The following RPS6KA5 variants were observed in gnomAD, a reference collection of about 807,000 sequenced individuals.
RPS6KA5 encodes the protein ribosomal protein S6 kinase alpha-5.
Under a neutral mutation model 85.5 loss-of-function variants are expected in RPS6KA5, and 27 were observed. That is an observed-to-expected ratio of 0.32 (90% CI 0.23 to 0.44). RPS6KA5 has a LOEUF of 0.44. Among genes scored for constraint, RPS6KA5 ranks in the 20% least tolerant of loss-of-function variants. The pLI is 1.00. For synonymous variants in RPS6KA5, 334 were observed against 348.2 expected (o/e 0.96, Z 0.46); for missense variants, 811 against 980.9 (o/e 0.83, Z 2.31).
chr14:90,878,678 T>G (rs200306564), intron 14 of RPS6KA5, among the ~76,000 whole-genome samples: 1 of 152,330 alleles, frequency 6.6e-6, no homozygotes, highest in East Asian at 1.9e-4. Flanking sequence ...GGGGCTCCAG[T>G]GGTCAGGGAC....
chr14:91,018,318 T>C (rs1371154693), intron 1 of RPS6KA5, among the ~76,000 whole-genome samples: 1 of 152,204 alleles, frequency 6.6e-6, no homozygotes. Flanking sequence ...TTCTCTACTG[T>C]GATGGTTAAT....
At chr14:91,006,859 G>A (rs1012607107) in intron 1 of RPS6KA5, among the ~76,000 whole-genome samples, 4 of 152,128 alleles carry the variant, frequency 2.6e-5, no homozygotes, top group South Asian at 2.1e-4. Flanking sequence ...ATGAGCCACC[G>A]CACCCGGCCC....
In RPS6KA5 at chr14:90,860,879, TA is replaced by T. The variant is rs2032509447; in HGVS notation, c.*11194del. 6.7e-6 allele frequency: 1 copy of T among 149,018 alleles called. No homozygotes were observed. Among genetic ancestry groups the T allele is most frequent in the East Asian group, 2.0e-4 (1 of 5,022 alleles). The allele number at this position is 149,018 out of a possible 1,614,324, so 9.2% of individuals were successfully genotyped here. A position where few individuals can be genotyped will look rare whatever the true frequency, so the allele number is the denominator to read the frequency against. On this transcript the variant is annotated 3_prime_UTR_variant, in exon 17 of 17. Transcript: ENST00000614987. ...CATAAATATGTGAGCAAACAAACAA[TA>T]TAGAGTCTATTTTTTTTTTTTTTTT...
intron 14 of RPS6KA5, among the ~76,000 whole-genome samples, chr14:90,879,481 G>A (rs1031631450): frequency 6.6e-6 from 1 of 152,178 alleles, no homozygotes; most frequent in Non-Finnish European, 1.5e-5. Flanking sequence ...GTCTCTGAGA[G>A]CTGTGCTGAA....
In RPS6KA5 at chr14:90,849,467, G is replaced by A. The variant is rs2031880341; in HGVS notation, c.*22607C>T. ...TGATATGAGTGGACAGCAAAGAGCT[G>A]TGTAAACCTGTCTAAAACAGTGCAC... On this transcript the variant is annotated 3_prime_UTR_variant, in exon 17 of 17. Coordinates refer to ENST00000614987, the MANE Select transcript of RPS6KA5 (RefSeq NM_004755.4). 3 of 152,262 alleles carry A rather than the reference G, an allele frequency of 2.0e-5. No individual in the cohort carries two copies. Among genetic ancestry groups the A allele is most frequent in the Admixed American group, 6.5e-5 (1 of 15,286 alleles). 9.4% of individuals were successfully genotyped at this position (152,262 alleles called of 1,614,324 possible).
chr14:90,917,396 TAC>T lies in RPS6KA5; in HGVS notation c.806+2808_806+2809del, dbSNP rs138268889. On this transcript the variant is annotated intron_variant, in intron 7 of 16. Transcript: ENST00000614987. ...ATTGACGTACAATAAAATTCCCACA[TAC>T]AAAGTATATAATTTTATGTTTTTTT... Among the ~76,000 whole-genome samples the T allele has an allele frequency of 6.8e-3, 1,035 of 152,282 alleles. 7 individuals carry two copies. Among genetic ancestry groups the T allele is most frequent in the Non-Finnish European group, 0.012 (818 of 68,022 alleles).
chr14:91,024,765 AC>A (rs1482937744), intron 1 of RPS6KA5, among the ~76,000 whole-genome samples: 1 of 152,096 alleles, frequency 6.6e-6, no homozygotes, highest in Non-Finnish European at 1.5e-5. Context: ...CAAGTCCCAG[AC>A]CAGGGTTCTG....
At chr14:90,930,878 C>T (rs763575589) in intron 5 of RPS6KA5, among the ~76,000 whole-genome samples, 2 of 152,274 alleles carry the variant, frequency 1.3e-5, no homozygotes, top group African/African-American at 2.4e-5. Context: ...ATAACAAAAA[C>T]ACCAACATAA....
chr14:90,967,933 C>T (rs1405608245), intron 3 of RPS6KA5, among the ~76,000 whole-genome samples: 1 of 152,302 alleles, frequency 6.6e-6, no homozygotes, highest in Non-Finnish European at 1.5e-5. Flanking sequence ...TTCTTTAAAG[C>T]GTGGTCTACA....
chr14:90,913,877 A>G (rs1228085075), intron 7 of RPS6KA5, among the ~76,000 whole-genome samples: 1 of 152,208 alleles, frequency 6.6e-6, no homozygotes, highest in Non-Finnish European at 1.5e-5. Context: ...AAGGAATTCC[A>G]AAGAGAAAGC....
intron 2 of RPS6KA5, among the ~76,000 whole-genome samples, chr14:90,998,681 A>G (rs2040639526): frequency 6.6e-6 from 1 of 152,218 alleles, no homozygotes; most frequent in Non-Finnish European, 1.5e-5. Flanking sequence ...TAAAAAATAC[A>G]TTTGAACAAA....
chr14:91,001,174 GA>G lies in RPS6KA5; in HGVS notation c.104-16del. ...TGTCAAATTAGCTAAAAGAAAAAAA[GA>G]GGAAAAAAAAAACAAGAGGGTCAGC... On this transcript the variant is annotated splice_polypyrimidine_tract_variant and intron_variant, in intron 1 of 16. Transcript: ENST00000614987. 1 of 1,555,594 alleles carries G rather than the reference GA, an allele frequency of 6.4e-7. No individual in the cohort carries two copies. The highest frequency in any genetic ancestry group is 8.7e-7 in the Non-Finnish European group (1 of 1,144,528).
At chr14:90,939,183 C>T (rs960058692) in intron 5 of RPS6KA5, among the ~76,000 whole-genome samples, 3 of 152,216 alleles carry the variant, frequency 2.0e-5, no homozygotes, top group South Asian at 2.1e-4. Flanking sequence ...CCACCAGTCT[C>T]TTTGCTAAAA....
chr14:90,894,718 T>C, intron 12 of RPS6KA5, 135 bp from the exon 13 acceptor site: 1 of 1,076,220 alleles, frequency 9.3e-7, no homozygotes, highest in Non-Finnish European at 1.3e-6. Context: ...GCAATCCTCA[T>C]ATCTTAGAGA....
intron 7 of RPS6KA5, among the ~76,000 whole-genome samples, chr14:90,906,861 A>C (rs1181781569): frequency 6.6e-6 from 1 of 152,078 alleles, no homozygotes; most frequent in Non-Finnish European, 1.5e-5. Context: ...AGAAATGGGC[A>C]CTACAGCTGG....
At chr14:90,965,525 G>A (rs1645515104) in intron 3 of RPS6KA5, among the ~76,000 whole-genome samples, 1 of 152,192 alleles carries the variant, frequency 6.6e-6, no homozygotes, top group South Asian at 2.1e-4. Context: ...CTCAGACAGA[G>A]AGGAAGACAG....
intron 1 of RPS6KA5, among the ~76,000 whole-genome samples, chr14:91,040,234 C>T (rs1595533875): frequency 6.6e-6 from 1 of 152,062 alleles, no homozygotes; most frequent in East Asian, 1.9e-4. Flanking sequence ...TATGGAGAAA[C>T]CCCATCTTTA....
chr14:90,990,226 T>C (rs180880092), intron 2 of RPS6KA5, among the ~76,000 whole-genome samples: 1 of 152,220 alleles, frequency 6.6e-6, no homozygotes, highest in African/African-American at 2.4e-5. Context: ...AGGATATGAA[T>C]AGATCCTTCT....
rs2033265785 is a variant in RPS6KA5 at position 90,873,645 on chromosome 14, T to G, written c.2147A>C (p.Lys716Thr). 7 of 1,613,828 alleles carry G rather than the reference T, an allele frequency of 4.3e-6. No homozygotes were observed. The highest frequency in any genetic ancestry group is 5.9e-6 in the Non-Finnish European group (7 of 1,179,924). ...ACAGGGCCTTACGTGGAAGGTTGCTTTCACACAGGTATGCACGGCAGCTCC... is the reference window on the plus strand; with the variant it reads ...ACAGGGCCTTACGTGGAAGGTTGCTGTCACACAGGTATGCACGGCAGCTCC... ...SSGAAVHTCV[K>T]ATFHAFNKYK... Residue 716 changes from lysine (K) to threonine (T), a missense_variant, in exon 16 of 17, where the codon AAA becomes ACA. Around this residue, in one of 3 missense-constraint regions of RPS6KA5, gnomAD observed 650 missense variants for 793.4 expected, o/e 0.82. Coordinates refer to ENST00000614987, the MANE Select transcript of RPS6KA5 (RefSeq NM_004755.4).
Sources: allele counts gnomAD v4.1 joint callset (sites outside exome capture counted in the v4.1 genomes callset), GRCh38; gene constraint gnomAD v4.1.1; regional missense constraint gnomAD v4.1.1; transcripts MANE v1.5; gene names NCBI Gene and HGNC (gene_info 2026-07-23, HGNC 2026-07-21).